ERBB4: variants seen among roughly 807,000 people sequenced by gnomAD.
The protein encoded by ERBB4 is receptor tyrosine-protein kinase erbB-4.
Under a neutral mutation model 158.0 loss-of-function variants are expected in ERBB4, and 42 were observed. The ratio of observed to expected loss-of-function variants is 0.27; its 90% confidence interval spans 0.21 to 0.34. The LOEUF is 0.34. Ranked by LOEUF, ERBB4 falls within the 10% of genes least tolerant of loss-of-function variation. The pLI is 1.00. For synonymous variants in ERBB4, 583 were observed against 558.7 expected, an observed-to-expected ratio of 1.04 and a Z score of -0.61; for missense variants, 1,333 against 1,624.1, an observed-to-expected ratio of 0.82 and a Z score of 3.08.
intron 20 of ERBB4, among the ~76,000 whole-genome samples, chr2:211,515,152 T>C (rs1183140912): frequency 6.6e-6 from 1 of 151,974 alleles, no homozygotes; most frequent in Non-Finnish European, 1.5e-5. Context: ...ACAACAAACA[T>C]CCGATATTTC....
chr2:211,547,457 A>T (rs1441444186), intron 20 of ERBB4, among the ~76,000 whole-genome samples: 2 of 150,952 alleles, frequency 1.3e-5, no homozygotes, highest in Non-Finnish European at 2.9e-5. Flanking sequence ...AATCTGTGGG[A>T]AAAATAAAAT....
chr2:211,412,329 A>ATTTG (rs974523382), intron 25 of ERBB4, among the ~76,000 whole-genome samples: 3 of 152,114 alleles, frequency 2.0e-5, no homozygotes, highest in South Asian at 2.1e-4. Context: ...GGGGGGTTTT[A>ATTTG]TTTGTTTGTT....
chr2:211,875,050 A>AAAAAAAC (rs66500425), intron 3 of ERBB4, among the ~76,000 whole-genome samples: 39 of 75,848 alleles, frequency 5.1e-4, no homozygotes, highest in African/African-American at 9.3e-4. Context: ...AAAAAAAAAA[A>AAAAAAAC]CAAACTCAAA....
chr2:211,893,355 A>G (rs2079017581), intron 3 of ERBB4, among the ~76,000 whole-genome samples: 1 of 143,946 alleles, frequency 6.9e-6, no homozygotes, highest in African/African-American at 2.7e-5. Flanking sequence ...CTGGCTAGCC[A>G]TATGTAGAAA....
chr2:211,670,008 G>C (rs1477533431), intron 14 of ERBB4, among the ~76,000 whole-genome samples: 1 of 152,150 alleles, frequency 6.6e-6, no homozygotes, highest in Non-Finnish European at 1.5e-5. Context: ...AATATTCATA[G>C]ATCAAAAAAT....
At chr2:212,525,698 A>G (rs983540809) in intron 1 of ERBB4, among the ~76,000 whole-genome samples, 1 of 151,986 alleles carries the variant, frequency 6.6e-6, no homozygotes, top group Non-Finnish European at 1.5e-5. Context: ...ATTTCACTAA[A>G]GTTTACTCTG....
intron 19 of ERBB4, among the ~76,000 whole-genome samples, chr2:211,598,347 C>A (rs564373345): frequency 6.6e-6 from 1 of 152,094 alleles, no homozygotes; most frequent in South Asian, 2.1e-4. Flanking sequence ...AGGCACAGAT[C>A]AAAATGGAAA....
intron 3 of ERBB4, among the ~76,000 whole-genome samples, chr2:211,792,880 T>G (rs2076306706): frequency 6.6e-6 from 1 of 151,936 alleles, no homozygotes; most frequent in Non-Finnish European, 1.5e-5. Flanking sequence ...CTTCATTTCT[T>G]GTCAAATGCT....
intron 3 of ERBB4, among the ~76,000 whole-genome samples, chr2:211,800,331 A>G (rs1233607891): frequency 6.6e-6 from 1 of 152,186 alleles, no homozygotes; most frequent in African/African-American, 2.4e-5. Context: ...TACAGATGAA[A>G]AAACTGAGGT....
chr2:212,187,364 G>A (rs915780481), intron 1 of ERBB4, among the ~76,000 whole-genome samples: 5 of 151,482 alleles, frequency 3.3e-5, no homozygotes, highest in African/African-American at 7.3e-5. Flanking sequence ...CATGGCACAC[G>A]TATGTATGTA....
rs1287899049 is a variant in ERBB4 at position 211,944,193 on chromosome 2, ATATATACTAT to A, written c.421+3227_421+3236del. Among the ~76,000 whole-genome samples, 24 of 64,556 alleles carry A rather than the reference ATATATACTAT, an allele frequency of 3.7e-4. 1 individual carries two copies. Among genetic ancestry groups the A allele is most frequent in the South Asian group, 1.0e-3 (3 of 2,906 alleles). 42.4% of individuals were successfully genotyped at this position (64,556 alleles called of 152,430 possible). ...ATATATATACTATATATATATATAT[ATATATACTAT>A]ATATATATATACACACACACACAAA... On this transcript the variant is annotated intron_variant, in intron 3 of 27. Coordinates refer to ENST00000342788, the MANE Select transcript of ERBB4 (RefSeq NM_005235.3).
In ERBB4 at chr2:211,543,555, A is replaced by G. The variant is rs1012439289; in HGVS notation, c.2487+18348T>C. 4.6e-5 allele frequency among the ~76,000 whole-genome samples: 7 copies of G among 152,110 alleles called. No individual in the cohort carries two copies. The East Asian group carries it at 1.4e-3, about 29-fold the overall frequency. On this transcript the variant is annotated intron_variant, in intron 20 of 27. Coordinates refer to ENST00000342788, the MANE Select transcript of ERBB4 (RefSeq NM_005235.3). ...ATTTTATAAAGGACTTCAAATGTGT[A>G]GGTGTCCCCCAAAGTACTTGACTTT...
At chr2:211,947,684 G>C in intron 2 of ERBB4, 68 bp from the exon 3 acceptor site, 1 of 1,308,502 alleles carries the variant, frequency 7.6e-7, no homozygotes, top group Admixed American at 1.9e-5. Context: ...TAGCAATTTA[G>C]ATTAAAATGA....
At chr2:212,377,263 T>A (rs1349031198) in intron 1 of ERBB4, among the ~76,000 whole-genome samples, 1 of 148,392 alleles carries the variant, frequency 6.7e-6, no homozygotes, top group African/African-American at 2.4e-5. Context: ...TATACAAAAA[T>A]ATATAATAAA....
chr2:212,310,643 GTATATA>G (rs370352860), intron 1 of ERBB4, among the ~76,000 whole-genome samples: 6 of 123,544 alleles, frequency 4.9e-5, no homozygotes, highest in African/African-American at 1.7e-4. Context: ...GTGTGTGTGT[GTATATA>G]TATATATTCC....
chr2:212,453,943 AC>A (rs1251260898), intron 1 of ERBB4, among the ~76,000 whole-genome samples: 1 of 114,772 alleles, frequency 8.7e-6, no homozygotes, highest in Non-Finnish European at 1.9e-5. Flanking sequence ...ATATTCCTTA[AC>A]TTTTTTTTTT....
At chr2:211,570,340 T>TA (rs1283064742) in intron 19 of ERBB4, among the ~76,000 whole-genome samples, 1 of 147,516 alleles carries the variant, frequency 6.8e-6, no homozygotes, top group Non-Finnish European at 1.5e-5. Context: ...TTTTTTTTTT[T>TA]TTTCTCAGTA....
chr2:212,286,594 C>CTTTT (rs71054190), intron 1 of ERBB4, among the ~76,000 whole-genome samples: 7 of 55,536 alleles, frequency 1.3e-4, no homozygotes, highest in African/African-American at 2.3e-4. Flanking sequence ...TAAGTGCTGA[C>CTTTT]TTTTTTTTTT....
intron 2 of ERBB4, among the ~76,000 whole-genome samples, chr2:212,045,470 T>G (rs1336564889): frequency 1.3e-5 from 2 of 152,092 alleles, no homozygotes; most frequent in Non-Finnish European, 2.9e-5. Flanking sequence ...TCTCAACAAA[T>G]TAAAGAAAGG....
Sources: gnomAD v4.1 joint callset for allele counts (sites outside exome capture counted in the v4.1 genomes callset) on GRCh38, gnomAD v4.1.1 for gene constraint, MANE v1.5 for transcripts, NCBI Gene and HGNC (gene_info 2026-07-23, HGNC 2026-07-21) for gene names.